The following TMEM132D variants were observed in gnomAD, a reference collection of about 807,000 sequenced individuals.
The protein encoded by TMEM132D is mature OL transmembrane protein.
TMEM132D carries 21 observed loss-of-function variants against 62.3 expected under a neutral mutation model. That is an observed-to-expected ratio of 0.34 (90% CI 0.24 to 0.49). The LOEUF is 0.49. Among genes scored for constraint, TMEM132D ranks in the 20% least tolerant of loss-of-function variants. TMEM132D has a pLI of 0.99. For missense variants in TMEM132D, 1,346 were observed against 1,402.8 expected, an observed-to-expected ratio of 0.96 and a Z score of 0.65; for synonymous variants, 621 against 575.6, an observed-to-expected ratio of 1.08 and a Z score of -1.13.
At chr12:129,740,817 C>G (rs923638372) in intron 1 of TMEM132D, among the ~76,000 whole-genome samples, 2 of 152,138 alleles carry the variant, frequency 1.3e-5, no homozygotes, top group Non-Finnish European at 2.9e-5. Flanking sequence ...ATATAGAGCT[C>G]ACACTGATAA....
At chr12:129,693,056 C>T (rs1274916391) in intron 2 of TMEM132D, among the ~76,000 whole-genome samples, 2 of 152,068 alleles carry the variant, frequency 1.3e-5, no homozygotes. Context: ...AGAAAAAACT[C>T]TTAGCAAACT....
intron 3 of TMEM132D, among the ~76,000 whole-genome samples, chr12:129,383,140 A>G (rs1871001793): frequency 6.6e-6 from 1 of 152,124 alleles, no homozygotes; most frequent in African/African-American, 2.4e-5. Context: ...TGCCCATCTG[A>G]GCCGCCCACT....
At chr12:129,092,683 C>A (rs116834861) in intron 5 of TMEM132D, among the ~76,000 whole-genome samples, 2 of 151,944 alleles carry the variant, frequency 1.3e-5, no homozygotes, top group African/African-American at 4.8e-5. Context: ...GCAACAAGAG[C>A]GAAACTATGT....
chr12:129,578,250 A>G (rs1877733530), intron 2 of TMEM132D, among the ~76,000 whole-genome samples: 1 of 151,688 alleles, frequency 6.6e-6, no homozygotes, highest in Non-Finnish European at 1.5e-5. Context: ...GAATGAATGC[A>G]CCCCAGGCTT....
chr12:129,589,746 C>T (rs34757345), intron 2 of TMEM132D, among the ~76,000 whole-genome samples: 9,608 of 152,168 alleles, frequency 0.063, 383 homozygotes, highest in Non-Finnish European at 0.072. Flanking sequence ...CACAGTCCCT[C>T]GGCGAGCAGA....
At chr12:129,546,991 A>G (rs933569060) in intron 2 of TMEM132D, among the ~76,000 whole-genome samples, 2 of 152,178 alleles carry the variant, frequency 1.3e-5, no homozygotes, top group Admixed American at 1.3e-4. Context: ...AAATTCCCAC[A>G]AACTGGGTGG....
chr12:129,274,912 T>C (rs1262681356), intron 4 of TMEM132D, among the ~76,000 whole-genome samples: 1 of 151,724 alleles, frequency 6.6e-6, no homozygotes. Context: ...AACAAAACAA[T>C]TATTTTACTA....
intron 2 of TMEM132D, among the ~76,000 whole-genome samples, chr12:129,583,829 C>G (rs117042097): frequency 0.018 from 2,817 of 152,284 alleles, 36 homozygotes; most frequent in Middle Eastern, 0.034. Context: ...CACCAACACA[C>G]TGAGTGTTTT....
At chr12:129,632,436 C>T (rs556915676) in intron 2 of TMEM132D, among the ~76,000 whole-genome samples, 1 of 152,278 alleles carries the variant, frequency 6.6e-6, no homozygotes, top group South Asian at 2.1e-4. Context: ...CTGTTCATGA[C>T]CCTCTTTTTT....
chr12:129,105,035 A>G (rs1201238681), intron 5 of TMEM132D, among the ~76,000 whole-genome samples: 1 of 140,168 alleles, frequency 7.1e-6, no homozygotes, highest in African/African-American at 2.8e-5. Context: ...CAGCCATCCC[A>G]TTACTGGGTA....
At chr12:129,164,218 C>A (rs1877477101) in intron 5 of TMEM132D, among the ~76,000 whole-genome samples, 1 of 152,186 alleles carries the variant, frequency 6.6e-6, no homozygotes, top group Non-Finnish European at 1.5e-5. Context: ...AGTGCATTTC[C>A]CGGTCAACTC....
At chr12:129,701,222 A>G (rs1057021880) in intron 1 of TMEM132D, among the ~76,000 whole-genome samples, 2 of 152,226 alleles carry the variant, frequency 1.3e-5, no homozygotes, top group Non-Finnish European at 2.9e-5. Flanking sequence ...CACGTTCTGC[A>G]TATACGCACA....
At chr12:129,526,360 C>T (rs1876037721) in intron 3 of TMEM132D, among the ~76,000 whole-genome samples, 1 of 152,156 alleles carries the variant, frequency 6.6e-6, no homozygotes, top group Non-Finnish European at 1.5e-5. Context: ...TCTCGGCTCA[C>T]CTCAACTTCT....
intron 4 of TMEM132D, among the ~76,000 whole-genome samples, chr12:129,298,413 C>G (rs938085361): frequency 8.5e-5 from 13 of 152,086 alleles, no homozygotes; most frequent in Admixed American, 2.0e-4. Flanking sequence ...AATGGTCAAA[C>G]CAGAGTGTTT....
At chr12:129,301,077 T>G (rs929225951) in intron 4 of TMEM132D, among the ~76,000 whole-genome samples, 1 of 152,166 alleles carries the variant, frequency 6.6e-6, no homozygotes, top group African/African-American at 2.4e-5. Context: ...AGTCAACACT[T>G]ACACGTTCCA....
At chr12:129,530,384 C>T (rs543970100) in intron 3 of TMEM132D, among the ~76,000 whole-genome samples, 1 of 152,100 alleles carries the variant, frequency 6.6e-6, no homozygotes, top group African/African-American at 2.4e-5. Context: ...AAATATGTGA[C>T]CAGACTAGGA....
intron 1 of TMEM132D, among the ~76,000 whole-genome samples, chr12:129,756,173 T>C (rs111387626): frequency 1.3e-5 from 2 of 152,304 alleles, no homozygotes; most frequent in African/African-American, 4.8e-5. Flanking sequence ...GTTTCAGCTA[T>C]GCAAAATGTG....
intron 1 of TMEM132D, among the ~76,000 whole-genome samples, chr12:129,757,273 G>A (rs550196508): frequency 6.6e-6 from 1 of 152,280 alleles, no homozygotes; most frequent in East Asian, 1.9e-4. Flanking sequence ...ACTAATGCTT[G>A]TGGGATGATG....
intron 1 of TMEM132D, among the ~76,000 whole-genome samples, chr12:129,870,123 C>CA (rs1874192553): frequency 6.6e-6 from 1 of 152,136 alleles, no homozygotes; most frequent in Admixed American, 6.5e-5. Context: ...GCTGGGATTA[C>CA]AGGTGCATGC....
Sources: gnomAD v4.1 joint callset for allele counts (sites outside exome capture counted in the v4.1 genomes callset) on GRCh38, gnomAD v4.1.1 for gene constraint, MANE v1.5 for transcripts, NCBI Gene and HGNC (gene_info 2026-07-23, HGNC 2026-07-21) for gene names.